The following FUT8 variants were observed in gnomAD, a reference collection of about 807,000 sequenced individuals.
The protein encoded by FUT8 is alpha-(1,6)-fucosyltransferase.
A neutral mutation model predicts 71.3 loss-of-function variants in FUT8; 29 were observed. The ratio of observed to expected loss-of-function variants is 0.41; its 90% CI spans 0.30 to 0.55. The LOEUF (loss-of-function observed/expected upper bound fraction) is 0.55, where lower values mean the gene tolerates loss of function less well. Among genes scored for constraint, FUT8 ranks in the 20% least tolerant of loss-of-function variants. FUT8 has a pLI of 0.34. For synonymous variants in FUT8, 254 were observed against 239.3 expected (o/e 1.06, Z -0.57); for missense variants, 544 against 702.1 (o/e 0.77, Z 2.55).
At position 65,654,758 on chromosome 14, in the gene FUT8, G is replaced by A. The variant is rs1199102703; in HGVS notation, c.598-14485G>A. On this transcript the variant is annotated intron_variant, in intron 6 of 10. Coordinates refer to ENST00000673929, the MANE Select transcript of FUT8 (RefSeq NM_001371533.1). ...AGGAGAAATGGGAACAACAAAAGGA[G>A]CAAATAAAAAACAATAAAGTGGCGT... Among the ~76,000 whole-genome samples, 5 of 151,864 alleles carry A rather than the reference G, an allele frequency of 3.3e-5. No individual in the cohort carries two copies. The East Asian group carries it at 9.7e-4, about 29-fold the overall frequency.
intron 5 of FUT8, among the ~76,000 whole-genome samples, chr14:65,624,916 A>T (rs1464843848): frequency 6.6e-6 from 1 of 152,178 alleles, no homozygotes; most frequent in African/African-American, 2.4e-5. Flanking sequence ...AACAGAAAAA[A>T]TTAGCCGGGT....
At chr14:65,719,560 C>T (rs1260517805) in intron 7 of FUT8, among the ~76,000 whole-genome samples, 3 of 152,090 alleles carry the variant, frequency 2.0e-5, no homozygotes, top group Non-Finnish European at 4.4e-5. Flanking sequence ...TCGTAGTCTT[C>T]ACAATCTGAA....
At chr14:65,504,728 A>G (rs1324499043) in intron 2 of FUT8, among the ~76,000 whole-genome samples, 3 of 151,834 alleles carry the variant, frequency 2.0e-5, no homozygotes, top group East Asian at 1.9e-4. Flanking sequence ...TTTTTTTTGT[A>G]TATTTAGTAG....
chr14:65,419,660 A>G (rs1044957635), intron 1 of FUT8, among the ~76,000 whole-genome samples: 3 of 152,254 alleles, frequency 2.0e-5, no homozygotes, highest in Admixed American at 2.0e-4. Context: ...TTGATTCTTT[A>G]CAATTAGAAC....
At chr14:65,496,941 A>G (rs1472552063) in intron 2 of FUT8, among the ~76,000 whole-genome samples, 1 of 152,142 alleles carries the variant, frequency 6.6e-6, no homozygotes, top group Non-Finnish European at 1.5e-5. Flanking sequence ...CCCCTGTGAC[A>G]TTGGGCAAGT....
the FUT8 span, among the ~76,000 whole-genome samples, chr14:65,367,712 T>C: frequency 6.6e-6 from 1 of 152,174 alleles, no homozygotes; most frequent in Admixed American, 6.5e-5. Flanking sequence ...GGGAATTCGA[T>C]TCAGAACCCA....
intron 7 of FUT8, among the ~76,000 whole-genome samples, chr14:65,677,147 TGTGTGC>T (rs1379161716): frequency 1.9e-3 from 194 of 102,822 alleles, no homozygotes; most frequent in Middle Eastern, 5.0e-3. Context: ...TGTGTGTGTG[TGTGTGC>T]GCGCGCGCAT....
chr14:65,650,722 A>C (rs150663396), intron 6 of FUT8, among the ~76,000 whole-genome samples: 18,923 of 147,946 alleles, frequency 0.13, 1,634 homozygotes, highest in East Asian at 0.38. Flanking sequence ...AAAAAAAAAA[A>C]AAAAAAACAA....
At chr14:65,456,146 A>G (rs2065890962) in intron 2 of FUT8, among the ~76,000 whole-genome samples, 1 of 152,160 alleles carries the variant, frequency 6.6e-6, no homozygotes, top group Non-Finnish European at 1.5e-5. Flanking sequence ...ATTTATTTTT[A>G]GTGTTCATTC....
chr14:65,600,127 C>G (rs773879719), intron 3 of FUT8, among the ~76,000 whole-genome samples: 3 of 152,046 alleles, frequency 2.0e-5, no homozygotes, highest in Non-Finnish European at 2.9e-5. Context: ...CTAAATTCCC[C>G]ACAACAATCC....
intron 2 of FUT8, among the ~76,000 whole-genome samples, chr14:65,492,175 T>C (rs1297435517): frequency 6.6e-6 from 1 of 152,126 alleles, no homozygotes; most frequent in Non-Finnish European, 1.5e-5. Context: ...AAACCAAAGG[T>C]AAGTAATATT....
intron 3 of FUT8, among the ~76,000 whole-genome samples, chr14:65,585,995 G>T (rs7160780): frequency 0.62 from 94,637 of 151,928 alleles, 29,693 homozygotes; most frequent in East Asian, 0.85. Context: ...ACATAGAGAA[G>T]GAAATAGATA....
At chr14:65,675,263 C>T (rs748279475) in intron 7 of FUT8, among the ~76,000 whole-genome samples, 2 of 152,140 alleles carry the variant, frequency 1.3e-5, no homozygotes, top group African/African-American at 4.8e-5. Flanking sequence ...TATTTATTTT[C>T]GTGTTTATCC....
At chr14:65,514,958 GT>G (rs1882611188) in intron 2 of FUT8, among the ~76,000 whole-genome samples, 1 of 150,158 alleles carries the variant, frequency 6.7e-6, no homozygotes, top group Admixed American at 6.6e-5. Context: ...GCAACTTTGT[GT>G]TTTCCTCCTT....
At chr14:65,420,698 C>T (rs1035697951) in intron 1 of FUT8, among the ~76,000 whole-genome samples, 13 of 151,962 alleles carry the variant, frequency 8.6e-5, no homozygotes, top group Admixed American at 8.5e-4. Context: ...GTATAGTTCA[C>T]CCTTGAACAG....
chr14:65,715,147 T>C (rs946477468), intron 7 of FUT8, among the ~76,000 whole-genome samples: 1 of 152,240 alleles, frequency 6.6e-6, no homozygotes, highest in African/African-American at 2.4e-5. Context: ...AGCATCTTTG[T>C]TGTGTTCCAG....
At chr14:65,702,273 A>C (rs1017547396) in intron 7 of FUT8, among the ~76,000 whole-genome samples, 5 of 146,922 alleles carry the variant, frequency 3.4e-5, no homozygotes, top group Admixed American at 7.0e-5. Context: ...TGAACCCGGG[A>C]GGCGGAGGTT....
chr14:65,611,279 ACACACACACACACACACACACACCC>A (rs1888966824), intron 3 of FUT8, among the ~76,000 whole-genome samples: 3 of 51,888 alleles, frequency 5.8e-5, no homozygotes, highest in Non-Finnish European at 6.9e-5. Context: ...ACACACACAC[ACACACACACACACACACACACACCC>A]CCCAAGTAAT....
At chr14:65,565,949 A>C (rs1886171299) in intron 3 of FUT8, among the ~76,000 whole-genome samples, 1 of 151,664 alleles carries the variant, frequency 6.6e-6, no homozygotes, top group Non-Finnish European at 1.5e-5. Flanking sequence ...GTAATATAAA[A>C]TATGGTATAA....
Sources: allele counts gnomAD v4.1 joint callset (sites outside exome capture counted in the v4.1 genomes callset), GRCh38; gene constraint gnomAD v4.1.1; transcripts MANE v1.5; gene names NCBI Gene and HGNC (gene_info 2026-07-23, HGNC 2026-07-21).